PLEKHA1: variants seen among roughly 807,000 people sequenced by gnomAD.
The protein encoded by PLEKHA1 is pleckstrin homology domain-containing family A member 1.
A neutral mutation model predicts 52.0 loss-of-function variants in PLEKHA1; 34 were observed. The ratio of observed to expected loss-of-function variants is 0.65; its 90% CI spans 0.50 to 0.87. The LOEUF (loss-of-function observed/expected upper bound fraction) is 0.87. PLEKHA1 is among the 40% of genes least tolerant of loss of function. The pLI, the probability that PLEKHA1 is intolerant of heterozygous loss-of-function variation, is 0.00. For missense variants in PLEKHA1, 497 were observed against 504.2 expected (o/e 0.99, Z 0.14); for synonymous variants, 163 against 170.7 (o/e 0.95, Z 0.35).
chr10:122,423,168 A>T (rs2097286368), intron 8 of PLEKHA1: 1 of 150,470 alleles, frequency 6.6e-6, no homozygotes, highest in African/African-American at 2.5e-5. Flanking sequence ...TCACGCCTGT[A>T]ATCCTAGCAT....
At chr10:122,388,789 T>G (rs1367705060) in intron 1 of PLEKHA1, among the ~76,000 whole-genome samples, 1 of 152,216 alleles carries the variant, frequency 6.6e-6, no homozygotes, top group African/African-American at 2.4e-5. Context: ...GCTGACTGAT[T>G]AGGATAGTGG....
At chr10:122,416,949 A>G (rs530506961) in intron 7 of PLEKHA1, 26 of 154,516 alleles carry the variant, frequency 1.7e-4, no homozygotes, top group African/African-American at 6.0e-4. Context: ...TTCTTACTGT[A>G]CAATGTCTGC....
At chr10:122,433,665 T>G (rs2280141), downstream of PLEKHA1, 85,058 of 151,962 alleles carry the variant, frequency 0.56, 24,424 homozygotes, top group African/African-American at 0.66. Flanking sequence ...ACGTACTTCC[T>G]GTGTGTGTTC....
intron 4 of PLEKHA1, among the ~76,000 whole-genome samples, chr10:122,402,581 A>G (rs1245717734): frequency 1.3e-5 from 2 of 152,148 alleles, no homozygotes; most frequent in Non-Finnish European, 1.5e-5. Flanking sequence ...CCCCCACCCC[A>G]ACTCTAGATA....
At chr10:122,422,413 C>A (rs554509897) in intron 8 of PLEKHA1, 2 of 152,318 alleles carry the variant, frequency 1.3e-5, no homozygotes, top group South Asian at 4.2e-4. Flanking sequence ...AGCAACAGAT[C>A]AGGGTTAACA....
intron 1 of PLEKHA1, among the ~76,000 whole-genome samples, chr10:122,391,265 CA>C (rs989610464): frequency 1.3e-5 from 2 of 151,204 alleles, no homozygotes; most frequent in African/African-American, 4.9e-5. Context: ...TTGTTTGATG[CA>C]AAAAAAGTTT....
At chr10:122,418,628 T>G (rs2133291770) in intron 8 of PLEKHA1, 1 of 152,334 alleles carries the variant, frequency 6.6e-6, no homozygotes, top group East Asian at 1.9e-4. Flanking sequence ...TCACATTGAC[T>G]CATAAATCAC....
At chr10:122,400,492 A>G in intron 4 of PLEKHA1, 104 bp downstream of exon 4, 1 of 1,065,514 alleles carries the variant, frequency 9.4e-7, no homozygotes, top group Non-Finnish European at 1.4e-6. Context: ...GGCTTAATGA[A>G]TTATTCTAAA....
In PLEKHA1 at chr10:122,413,014, T is replaced by C. The variant is rs1180494445; in HGVS notation, c.437T>C (p.Val146Ala). The change falls in exon 6 of 12, where the codon GTT becomes GCT. Residue 146 changes from valine (V) to alanine (A), a missense_variant. Transcript: ENST00000368990. ...KKQVSYRTDI[V>A]GGVPIITPTQ... The stretch of plus-strand genomic sequence containing the variant: ...CAAGTGTCTTACAGAACTGATATTG[T>C]TGGTGGCGTACCCATCATTACTCCC... 1.2e-6 allele frequency: 2 copies of C among 1,613,498 alleles called. No individual in the cohort carries two copies. The highest frequency in any genetic ancestry group is 1.7e-6 in the Non-Finnish European group (2 of 1,179,576).
chr10:122,414,088 A>T (rs973086140), intron 6 of PLEKHA1, among the ~76,000 whole-genome samples: 4 of 152,078 alleles, frequency 2.6e-5, no homozygotes, highest in African/African-American at 4.8e-5. Flanking sequence ...AAAGTTGGAT[A>T]AAAAAATAAG....
At chr10:122,409,719 T>G (rs2097079798) in intron 5 of PLEKHA1, among the ~76,000 whole-genome samples, 1 of 152,170 alleles carries the variant, frequency 6.6e-6, no homozygotes, top group Non-Finnish European at 1.5e-5. Context: ...CCCAGGAGTT[T>G]GTGTCTGCAC....
At chr10:122,391,355 C>T (rs1411253309) in intron 1 of PLEKHA1, among the ~76,000 whole-genome samples, 1 of 152,058 alleles carries the variant, frequency 6.6e-6, no homozygotes, top group African/African-American at 2.4e-5. Context: ...ATTGCCAATT[C>T]CAAAGTAAGA....
At chr10:122,418,886 T>C (rs1590837463) in intron 8 of PLEKHA1, 1 of 152,222 alleles carries the variant, frequency 6.6e-6, no homozygotes, top group East Asian at 1.9e-4. Flanking sequence ...CATTGTCCAT[T>C]AGAACTTTCT....
rs755554481 is a variant in PLEKHA1 at position 122,429,948 on chromosome 10, G to A, written c.*10G>A. The A allele has an allele frequency of 1.0e-5, 16 of 1,599,692 alleles. No homozygotes were observed. The Admixed American group carries it at 1.2e-4, about 12-fold the overall frequency. On this transcript the variant is annotated 3_prime_UTR_variant, in exon 12 of 12. Transcript: ENST00000368990. ...GGTCAGTGACGTGTGAGGCAGAAGC[G>A]CACGGAGCCTGCCTGCCTCTGCCGT...
chr10:122,388,372 A>C (rs1247667930), intron 1 of PLEKHA1, among the ~76,000 whole-genome samples: 2 of 152,150 alleles, frequency 1.3e-5, no homozygotes, highest in Non-Finnish European at 2.9e-5. Context: ...ATTCCATTGT[A>C]TGCATATACC....
intron 2 of PLEKHA1, among the ~76,000 whole-genome samples, chr10:122,397,593 T>G (rs922459146): frequency 1.3e-5 from 2 of 152,120 alleles, no homozygotes; most frequent in Admixed American, 6.5e-5. Flanking sequence ...CTGTAAATAT[T>G]TCCCCCTTGC....
At chr10:122,416,053 G>A in intron 7 of PLEKHA1, 51 bp downstream of exon 7, 2 of 1,517,672 alleles carry the variant, frequency 1.3e-6, no homozygotes, top group Non-Finnish European at 1.8e-6. Flanking sequence ...TTACGTTCTA[G>A]CAAACTCAAA....
intron 5 of PLEKHA1, among the ~76,000 whole-genome samples, chr10:122,410,862 G>A (rs894064467): frequency 1.3e-5 from 2 of 152,084 alleles, no homozygotes; most frequent in Non-Finnish European, 2.9e-5. Context: ...CCTCTTAGCA[G>A]CACCTCTCAT....
chr10:122,413,096 T>G, intron 6 of PLEKHA1, 51 bp downstream of exon 6: 1 of 1,473,450 alleles, frequency 6.8e-7, no homozygotes, highest in Non-Finnish European at 9.2e-7. Flanking sequence ...TGTATATTGA[T>G]TTTTATATTA....
Sources: allele counts gnomAD v4.1 joint callset (sites outside exome capture counted in the v4.1 genomes callset), GRCh38; gene constraint gnomAD v4.1.1; transcripts MANE v1.5; gene names NCBI Gene and HGNC (gene_info 2026-07-23, HGNC 2026-07-21).